Variants in PEBP4 observed in about 807,000 individuals in gnomAD.
PEBP4 encodes the protein phosphatidylethanolamine-binding protein 4.
A neutral mutation model predicts 23.9 loss-of-function variants in PEBP4; 22 were observed. That is an observed-to-expected ratio of 0.92 (90% CI 0.66 to 1.31). The LOEUF is 1.31. Ranked by LOEUF, PEBP4 falls within the 40% of genes most tolerant of loss-of-function variation. The pLI is 0.00. For missense variants in PEBP4, 324 were observed against 281.7 expected (o/e 1.15, Z -1.07); for synonymous variants, 112 against 99.3 (o/e 1.13, Z -0.76).
intron 4 of PEBP4, among the ~76,000 whole-genome samples, chr8:22,781,305 G>A (rs1442197147): frequency 3.3e-5 from 5 of 152,160 alleles, no homozygotes; most frequent in African/African-American, 1.2e-4. Context: ...GAGCCGGAGG[G>A]GGAAGGGGCT....
At chr8:22,717,685 C>T (rs1177174376) in intron 6 of PEBP4, among the ~76,000 whole-genome samples, 2 of 152,166 alleles carry the variant, frequency 1.3e-5, no homozygotes, top group Non-Finnish European at 1.5e-5. Context: ...TCCGAACAGC[C>T]CTGTTCCTTC....
chr8:22,714,731 C>A (rs1326298059), intron 6 of PEBP4, among the ~76,000 whole-genome samples: 2 of 151,946 alleles, frequency 1.3e-5, no homozygotes, highest in Non-Finnish European at 2.9e-5. Context: ...GACTCACGGG[C>A]CACCCACCCT....
At chr8:22,919,576 G>A (rs1436038640) in intron 3 of PEBP4, among the ~76,000 whole-genome samples, 1 of 152,160 alleles carries the variant, frequency 6.6e-6, no homozygotes, top group Non-Finnish European at 1.5e-5. Context: ...AAATGTAATA[G>A]CACTAATCAC....
intron 4 of PEBP4, among the ~76,000 whole-genome samples, chr8:22,746,910 G>A (rs778626625): frequency 7.9e-5 from 12 of 152,172 alleles, no homozygotes; most frequent in Non-Finnish European, 1.3e-4. Context: ...GAGTGCAGTG[G>A]CGTAATTACG....
intron 3 of PEBP4, among the ~76,000 whole-genome samples, chr8:22,883,646 C>G (rs1225215697): frequency 1.3e-5 from 2 of 152,168 alleles, no homozygotes; most frequent in Non-Finnish European, 2.9e-5. Flanking sequence ...AATTTTGCAG[C>G]CTGCTAGGAT....
At chr8:22,762,415 T>C (rs774434197) in intron 4 of PEBP4, among the ~76,000 whole-genome samples, 3 of 152,200 alleles carry the variant, frequency 2.0e-5, no homozygotes, top group Non-Finnish European at 4.4e-5. Context: ...AAAATGCCTA[T>C]CCACAGATGT....
At chr8:22,728,876 G>A (rs1390532737) in intron 4 of PEBP4, among the ~76,000 whole-genome samples, 1 of 152,170 alleles carries the variant, frequency 6.6e-6, no homozygotes, top group Non-Finnish European at 1.5e-5. Flanking sequence ...GGGATTACAG[G>A]CATGAGCCAC....
intron 3 of PEBP4, among the ~76,000 whole-genome samples, chr8:22,874,042 C>T (rs1808067195): frequency 6.6e-6 from 1 of 152,188 alleles, no homozygotes; most frequent in Admixed American, 6.5e-5. Context: ...CAGGTCTCGA[C>T]ATCTTGGTCT....
At chr8:22,878,392 G>T (rs1585319750) in intron 3 of PEBP4, among the ~76,000 whole-genome samples, 1 of 152,326 alleles carries the variant, frequency 6.6e-6, no homozygotes, top group East Asian at 1.9e-4. Context: ...GTCAGTGCAT[G>T]CTCAGTGGGA....
intron 3 of PEBP4, among the ~76,000 whole-genome samples, chr8:22,867,566 G>A (rs1431423129): frequency 6.6e-6 from 1 of 152,144 alleles, no homozygotes; most frequent in African/African-American, 2.4e-5. Flanking sequence ...TTTCCATGCT[G>A]GGGAACCCTG....
intron 3 of PEBP4, chr8:22,885,842 G>C (rs1409200424): frequency 1.3e-5 from 2 of 152,172 alleles, no homozygotes; most frequent in African/African-American, 4.8e-5. Flanking sequence ...CAAGAGAAGG[G>C]GAGCACCTGA....
intron 3 of PEBP4, among the ~76,000 whole-genome samples, chr8:22,845,440 T>G (rs1807411739): frequency 6.6e-6 from 1 of 151,170 alleles, no homozygotes; most frequent in African/African-American, 2.4e-5. Context: ...GAGGCTGAGG[T>G]TGAGCCTGGG....
At chr8:22,768,691 G>C (rs1327168191) in intron 4 of PEBP4, among the ~76,000 whole-genome samples, 1 of 152,146 alleles carries the variant, frequency 6.6e-6, no homozygotes, top group Non-Finnish European at 1.5e-5. Flanking sequence ...GTGCTGGGGA[G>C]GGTGGCAAGG....
At chr8:22,780,362 C>A (rs774920511) in intron 4 of PEBP4, among the ~76,000 whole-genome samples, 1 of 152,126 alleles carries the variant, frequency 6.6e-6, no homozygotes, top group Non-Finnish European at 1.5e-5. Context: ...TGTTTCTCGA[C>A]CTTTTCAATA....
chr8:22,925,723 A>T (rs1809312992), intron 2 of PEBP4, among the ~76,000 whole-genome samples: 1 of 152,118 alleles, frequency 6.6e-6, no homozygotes, highest in South Asian at 2.1e-4. Flanking sequence ...ACAGTGTGGG[A>T]AACACCAGGA....
chr8:22,856,047 C>CAAAAA (rs34409506), intron 3 of PEBP4, among the ~76,000 whole-genome samples: 2 of 91,642 alleles, frequency 2.2e-5, no homozygotes, highest in South Asian at 8.5e-4. Context: ...GACCCTGTCT[C>CAAAAA]AAAAAAAAAA....
chr8:22,903,304 T>G (rs1808747362), intron 3 of PEBP4, among the ~76,000 whole-genome samples: 1 of 152,182 alleles, frequency 6.6e-6, no homozygotes, highest in Non-Finnish European at 1.5e-5. Context: ...GTACCTCAGT[T>G]TTCTCATCTA....
At chr8:22,718,626 T>C (rs1331173880) in intron 6 of PEBP4, among the ~76,000 whole-genome samples, 2 of 152,024 alleles carry the variant, frequency 1.3e-5, no homozygotes, top group East Asian at 1.9e-4. Context: ...GCCAGGTGGG[T>C]GGGGCCCTTT....
chr8:22,914,939 A>G (rs80107087), intron 3 of PEBP4, among the ~76,000 whole-genome samples: 30,533 of 152,134 alleles, frequency 0.2, 3,291 homozygotes, highest in Middle Eastern at 0.27. Context: ...TTGTCCTGGC[A>G]TAACTATTAA....
Sources: gnomAD v4.1 joint callset for allele counts (sites outside exome capture counted in the v4.1 genomes callset) on GRCh38, gnomAD v4.1.1 for gene constraint, MANE v1.5 for transcripts, NCBI Gene and HGNC (gene_info 2026-07-23, HGNC 2026-07-21) for gene names.